The following NCKAP5 variants were observed in gnomAD, a reference collection of about 807,000 sequenced individuals.
The protein encoded by NCKAP5 is NCK associated protein 5.
In NCKAP5, 92 loss-of-function variants were observed where a neutral mutation model predicts 167.0. The ratio of observed to expected loss-of-function variants is 0.55; its 90% CI spans 0.47 to 0.66. The LOEUF (loss-of-function observed/expected upper bound fraction) is 0.66. Among genes scored for constraint, NCKAP5 ranks in the 30% least tolerant of loss-of-function variants. NCKAP5 has a pLI of 0.00. For synonymous variants in NCKAP5, 891 were observed against 877.4 expected, an observed-to-expected ratio of 1.02 and a Z score of -0.27; for missense variants, 2,378 against 2,315.0, an observed-to-expected ratio of 1.03 and a Z score of -0.56.
intron 8 of NCKAP5, among the ~76,000 whole-genome samples, chr2:132,921,279 G>C (rs940018573): frequency 6.6e-6 from 1 of 151,974 alleles, no homozygotes; most frequent in Non-Finnish European, 1.5e-5. Flanking sequence ...CCTTCTCTAA[G>C]ACATGGAGAC....
chr2:132,796,454 C>G lies in NCKAP5; in HGVS notation c.909+174G>C, dbSNP rs570716095. 2.6e-5 allele frequency among the ~76,000 whole-genome samples: 4 copies of G among 152,258 alleles called. No homozygotes were observed. In the East Asian group the frequency reaches 5.8e-4, roughly 22 times the overall value. The stretch of plus-strand genomic sequence containing the variant: ...TGCCAAGAATGACACTTTCTGCTTA[C>G]TATATCAGCTGGGGGACATGATATT... On this transcript the variant is annotated intron_variant, in intron 12 of 19. Coordinates refer to ENST00000409261, the MANE Select transcript of NCKAP5 (RefSeq NM_207363.3).
At chr2:132,952,915 G>C (rs935308794) in intron 8 of NCKAP5, among the ~76,000 whole-genome samples, 2 of 152,220 alleles carry the variant, frequency 1.3e-5, no homozygotes. Flanking sequence ...TCTACAGATG[G>C]ATTGAAGCAC....
chr2:132,865,865 C>T (rs992123043), intron 10 of NCKAP5, among the ~76,000 whole-genome samples: 4 of 152,100 alleles, frequency 2.6e-5, no homozygotes, highest in Non-Finnish European at 4.4e-5. Flanking sequence ...GAGAACAAAA[C>T]GACTTTGTGG....
At chr2:133,225,779 C>CTTTT (rs1003972708) in intron 4 of NCKAP5, among the ~76,000 whole-genome samples, 2,102 of 39,710 alleles carry the variant, frequency 0.053, 631 homozygotes, top group Non-Finnish European at 0.071. Flanking sequence ...ATGCCCTGTT[C>CTTTT]TTTTTTTTTT....
intron 1 of NCKAP5, among the ~76,000 whole-genome samples, chr2:133,560,371 A>G (rs1271332809): frequency 6.6e-6 from 1 of 152,250 alleles, no homozygotes; most frequent in African/African-American, 2.4e-5. Flanking sequence ...TTTGTGAAAC[A>G]TAACAGCCTA....
intron 8 of NCKAP5, among the ~76,000 whole-genome samples, chr2:132,895,094 G>T (rs1693042870): frequency 1.3e-5 from 2 of 152,070 alleles, no homozygotes; most frequent in African/African-American, 2.4e-5. Context: ...CACTTTGGGA[G>T]GCCAAGGCGG....
the NCKAP5 span, among the ~76,000 whole-genome samples, chr2:133,644,614 A>C: frequency 1.3e-5 from 2 of 152,174 alleles, no homozygotes; most frequent in Non-Finnish European, 2.9e-5. Context: ...TTCTCATATT[A>C]CATTTATTTA....
chr2:132,783,448 GGAT>G lies in NCKAP5; in HGVS notation c.3360_3362del (p.Ser1123del). The stretch of plus-strand genomic sequence containing the variant: ...TGTTATGGCTTTTGGCGGGTGATGA[GGAT>G]GATGAGGAACTGCTGACCTGAGATG... On this transcript the variant is annotated inframe_deletion, in exon 14 of 20. Coordinates refer to ENST00000409261, the MANE Select transcript of NCKAP5 (RefSeq NM_207363.3). 1 of 1,586,874 alleles carries G rather than the reference GGAT, an allele frequency of 6.3e-7. No homozygotes were observed. The highest frequency in any genetic ancestry group is 1.7e-5 in the Admixed American group (1 of 57,556).
Position 132,860,564 on chromosome 2 carries a change from C to T in NCKAP5, c.735G>A (p.Leu245=), listed in dbSNP as rs1384381342. ...TGCTTAGTGTTCGATTCTGCTGTTC[C>T]AAATCAAACACTCTTGTTTTCAACT... ...CVKLKTRVFD[L]EQQNRTLSIL... Residue 245 remains leucine, a synonymous_variant, in exon 11 of 20, where the codon TTG becomes TTA. Transcript: ENST00000409261. The T allele has an allele frequency of 6.3e-7, 1 of 1,586,080 alleles. No individual in the cohort carries two copies.
chr2:132,759,880 C>CT (rs796359133), intron 16 of NCKAP5, among the ~76,000 whole-genome samples: 3 of 151,468 alleles, frequency 2.0e-5, no homozygotes, highest in South Asian at 2.1e-4. Context: ...CTGTATTTTT[C>CT]TTTTTTTTCA....
chr2:133,021,785 C>A (rs921215933), intron 6 of NCKAP5, among the ~76,000 whole-genome samples: 1 of 152,158 alleles, frequency 6.6e-6, no homozygotes. Context: ...TACATGCCAC[C>A]ACGCCTGGCT....
intron 6 of NCKAP5, among the ~76,000 whole-genome samples, chr2:133,004,610 G>A (rs957476377): frequency 2.0e-5 from 3 of 152,184 alleles, no homozygotes; most frequent in Admixed American, 6.5e-5. Context: ...GCAAACGGCA[G>A]AGCAAGATCT....
At chr2:133,335,084 G>T (rs2150741234) in intron 3 of NCKAP5, among the ~76,000 whole-genome samples, 1 of 152,144 alleles carries the variant, frequency 6.6e-6, no homozygotes, top group African/African-American at 2.4e-5. Flanking sequence ...ACGGCCCAGT[G>T]GTGCAAGCTT....
At chr2:133,514,600 G>A (rs188774322) in intron 3 of NCKAP5, among the ~76,000 whole-genome samples, 1 of 152,120 alleles carries the variant, frequency 6.6e-6, no homozygotes, top group Admixed American at 6.5e-5. Flanking sequence ...TACATTATGA[G>A]AATATTTTCC....
At chr2:133,264,343 G>C (rs928296746) in intron 4 of NCKAP5, among the ~76,000 whole-genome samples, 2 of 152,208 alleles carry the variant, frequency 1.3e-5, no homozygotes, top group African/African-American at 4.8e-5. Context: ...GGGATTAATG[G>C]AGATAATGTC....
intron 16 of NCKAP5, among the ~76,000 whole-genome samples, chr2:132,733,453 C>T (rs1035580253): frequency 6.6e-6 from 1 of 152,128 alleles, no homozygotes; most frequent in Admixed American, 6.6e-5. Flanking sequence ...TGTTTCAACC[C>T]CTGTGCAAGA....
intron 11 of NCKAP5, among the ~76,000 whole-genome samples, chr2:132,850,467 G>A (rs780870444): frequency 3.3e-5 from 5 of 151,972 alleles, no homozygotes; most frequent in South Asian, 2.1e-4. Context: ...AGAAGAAGCC[G>A]CAGCCTCTAG....
intron 4 of NCKAP5, among the ~76,000 whole-genome samples, chr2:133,219,101 A>G (rs1314722499): frequency 1.3e-5 from 2 of 152,236 alleles, no homozygotes; most frequent in African/African-American, 4.8e-5. Flanking sequence ...AGTAAAATAC[A>G]TAAAAACTAG....
At chr2:133,122,634 A>G (rs1329401389) in intron 6 of NCKAP5, 2 of 152,174 alleles carry the variant, frequency 1.3e-5, no homozygotes, top group African/African-American at 4.8e-5. Flanking sequence ...GCTGTTCCCA[A>G]CAGAAATTTT....
Sources: allele counts gnomAD v4.1 joint callset (sites outside exome capture counted in the v4.1 genomes callset), GRCh38; gene constraint gnomAD v4.1.1; transcripts MANE v1.5; gene names NCBI Gene and HGNC (gene_info 2026-07-23, HGNC 2026-07-21).